AUTS2: variants seen among roughly 807,000 people sequenced by gnomAD.
The protein encoded by AUTS2 is autism susceptibility gene 2 protein.
Under a neutral mutation model 112.4 loss-of-function variants are expected in AUTS2, and 17 were observed. The observed-to-expected ratio is 0.15, with a 90% confidence interval of 0.10 to 0.23. AUTS2 has a LOEUF of 0.23. AUTS2 is among the 10% of genes least tolerant of loss of function. The probability of loss-of-function intolerance (pLI) is 1.00; values close to 1 mark genes in which losing one functional copy is unlikely to be tolerated. For synonymous variants in AUTS2, 751 were observed against 702.7 expected, an observed-to-expected ratio of 1.07 and a Z score of -1.09; for missense variants, 1,510 against 1,701.6, an observed-to-expected ratio of 0.89 and a Z score of 1.98.
At chr7:69,677,825 G>A (rs556417505) in intron 1 of AUTS2, among the ~76,000 whole-genome samples, 1 of 152,250 alleles carries the variant, frequency 6.6e-6, no homozygotes, top group South Asian at 2.1e-4. Context: ...AGCAAACTTA[G>A]ACAGAAGCAG....
intron 5 of AUTS2, among the ~76,000 whole-genome samples, chr7:70,571,921 C>T (rs894643098): frequency 6.6e-5 from 10 of 152,200 alleles, no homozygotes; most frequent in East Asian, 3.9e-4. Context: ...CGATCCAGTC[C>T]GGTGCAGAGC....
At chr7:70,676,144 GAAGAAT>G (rs1008708727) in intron 5 of AUTS2, among the ~76,000 whole-genome samples, 1 of 152,136 alleles carries the variant, frequency 6.6e-6, no homozygotes, top group African/African-American at 2.4e-5. Context: ...AGAAGAAGAA[GAAGAAT>G]AAGATATAGG....
chr7:70,423,203 T>A (rs1795296743), intron 4 of AUTS2, among the ~76,000 whole-genome samples: 2 of 152,212 alleles, frequency 1.3e-5, no homozygotes, highest in African/African-American at 4.8e-5. Context: ...GTACTTTAGT[T>A]ATATTCTCTC....
At chr7:70,717,010 TTTTTA>T (rs1422450350) in intron 6 of AUTS2, among the ~76,000 whole-genome samples, 35 of 69,712 alleles carry the variant, frequency 5.0e-4, no homozygotes, top group Admixed American at 1.1e-3. Context: ...TTTTTTTTTT[TTTTTA>T]TTACTGTTTA....
chr7:70,069,129 T>A (rs1802635765), intron 2 of AUTS2, among the ~76,000 whole-genome samples: 1 of 152,164 alleles, frequency 6.6e-6, no homozygotes, highest in Non-Finnish European at 1.5e-5. Context: ...TGGCAAGAAT[T>A]GACCTCTTTG....
chr7:69,674,689 A>C lies in AUTS2; in HGVS notation c.309+74727A>C, dbSNP rs969876713. ...GTTATTTTTAATTTATTGGGCAAAAATGAATCAAATAACCGTGGCAGGCAT... is the reference window on the plus strand; with the variant it reads ...GTTATTTTTAATTTATTGGGCAAAACTGAATCAAATAACCGTGGCAGGCAT... On this transcript the variant is annotated intron_variant, in intron 1 of 18. Coordinates refer to ENST00000342771, the MANE Select transcript of AUTS2 (RefSeq NM_015570.4). 5.9e-5 allele frequency among the ~76,000 whole-genome samples: 9 copies of C among 152,316 alleles called. No individual in the cohort carries two copies. In the South Asian group the frequency reaches 8.3e-4, roughly 14 times the overall value.
At chr7:70,627,737 G>T (rs1158260187) in intron 5 of AUTS2, among the ~76,000 whole-genome samples, 1 of 152,210 alleles carries the variant, frequency 6.6e-6, no homozygotes, top group South Asian at 2.1e-4. Flanking sequence ...AATGGAAAAA[G>T]GGATGCTTTG....
At chr7:70,009,517 A>C (rs1306211825) in intron 2 of AUTS2, among the ~76,000 whole-genome samples, 2 of 152,212 alleles carry the variant, frequency 1.3e-5, no homozygotes, top group Admixed American at 1.3e-4. Flanking sequence ...CTTAGTAGTG[A>C]CCTAGATTCA....
chr7:69,997,300 A>G (rs751752386), intron 2 of AUTS2, among the ~76,000 whole-genome samples: 12 of 152,214 alleles, frequency 7.9e-5, no homozygotes, highest in Non-Finnish European at 1.5e-4. Flanking sequence ...TATATATAGT[A>G]TTAACATCTA....
chr7:69,833,173 A>G (rs1483648546), intron 1 of AUTS2, among the ~76,000 whole-genome samples: 1 of 152,140 alleles, frequency 6.6e-6, no homozygotes, highest in Non-Finnish European at 1.5e-5. Context: ...CTGAGAATTA[A>G]AATTTTTAGG....
chr7:70,003,657 AAT>A (rs1379660974), intron 2 of AUTS2, among the ~76,000 whole-genome samples: 3 of 118,930 alleles, frequency 2.5e-5, no homozygotes, highest in African/African-American at 3.3e-5. Flanking sequence ...GTTATATATG[AAT>A]ATATATAATA....
At chr7:70,517,801 G>GTATACATATATACATACATAATTTGTATA (rs1477495554) in intron 5 of AUTS2, among the ~76,000 whole-genome samples, 2 of 151,798 alleles carry the variant, frequency 1.3e-5, no homozygotes, top group East Asian at 1.9e-4. Context: ...TCATTTGTAT[G>GTATACATATATACATACATAATTTGTATA]TATACATATA....
intron 1 of AUTS2, among the ~76,000 whole-genome samples, chr7:69,673,619 G>A (rs1012408263): frequency 6.6e-6 from 1 of 152,208 alleles, no homozygotes; most frequent in Non-Finnish European, 1.5e-5. Context: ...TCATTAAGAA[G>A]TTGGCCCTAA....
intron 5 of AUTS2, among the ~76,000 whole-genome samples, chr7:70,533,624 T>C (rs1391437087): frequency 6.6e-6 from 1 of 152,252 alleles, no homozygotes; most frequent in Non-Finnish European, 1.5e-5. Context: ...TGTTTAATGC[T>C]GTGTTATGGG....
At chr7:69,793,159 T>C (rs1024120897) in intron 1 of AUTS2, among the ~76,000 whole-genome samples, 9 of 152,318 alleles carry the variant, frequency 5.9e-5, no homozygotes, top group Non-Finnish European at 1.0e-4. Flanking sequence ...GTCCTGTGTT[T>C]GCACTCCAGG....
At chr7:70,020,491 A>G (rs1800221155) in intron 2 of AUTS2, among the ~76,000 whole-genome samples, 1 of 151,916 alleles carries the variant, frequency 6.6e-6, no homozygotes, top group African/African-American at 2.4e-5. Context: ...ATACAAAGGG[A>G]TAGGTTTTTG....
chr7:70,070,339 G>T (rs1369756886), intron 2 of AUTS2, among the ~76,000 whole-genome samples: 1 of 151,648 alleles, frequency 6.6e-6, no homozygotes, highest in Non-Finnish European at 1.5e-5. Context: ...TTGGGAGGCT[G>T]AGTTGGGTAG....
At chr7:70,033,384 T>C (rs961096300) in intron 2 of AUTS2, among the ~76,000 whole-genome samples, 1 of 152,170 alleles carries the variant, frequency 6.6e-6, no homozygotes, top group Non-Finnish European at 1.5e-5. Flanking sequence ...CTAGTCATGA[T>C]GTGTATACAT....
At chr7:70,311,693 A>T (rs1789759035) in intron 4 of AUTS2, among the ~76,000 whole-genome samples, 1 of 151,668 alleles carries the variant, frequency 6.6e-6, no homozygotes, top group African/African-American at 2.4e-5. Context: ...AATAGCTGGG[A>T]TTACAGGTGC....
Sources: gnomAD v4.1 joint callset for allele counts (sites outside exome capture counted in the v4.1 genomes callset) on GRCh38, gnomAD v4.1.1 for gene constraint, MANE v1.5 for transcripts, NCBI Gene and HGNC (gene_info 2026-07-23, HGNC 2026-07-21) for gene names.